Variants in PPP6R3 observed in about 807,000 individuals in gnomAD.
PPP6R3 encodes the protein serine/threonine-protein phosphatase 6 regulatory subunit 3.
A neutral mutation model predicts 110.7 loss-of-function variants in PPP6R3; 38 were observed. The observed-to-expected ratio is 0.34, with a 90% CI of 0.26 to 0.45. The LOEUF is 0.45. Among genes scored for constraint, PPP6R3 ranks in the 20% least tolerant of loss-of-function variants. PPP6R3 has a pLI of 1.00. For synonymous variants in PPP6R3, 369 were observed against 373.5 expected (o/e 0.99, Z 0.14); for missense variants, 870 against 1,062.4 (o/e 0.82, Z 2.52).
At chr11:68,605,255 C>T (rs1938939203) in intron 22 of PPP6R3, among the ~76,000 whole-genome samples, 1 of 152,082 alleles carries the variant, frequency 6.6e-6, no homozygotes, top group Non-Finnish European at 1.5e-5. Flanking sequence ...GTCGAGGCTG[C>T]AGTGAGCTGT....
intron 1 of PPP6R3, among the ~76,000 whole-genome samples, chr11:68,475,901 G>C (rs10896328): frequency 4.0e-5 from 6 of 150,738 alleles, no homozygotes; most frequent in African/African-American, 1.2e-4. Flanking sequence ...CATCTCAGAC[G>C]ATGGGCGGCC....
rs1592647287 is a variant in PPP6R3, at chr11:68,531,334, T to C, written c.-6-6325T>C. On this transcript the variant is annotated intron_variant, in intron 2 of 23. Transcript: ENST00000393800. ...TTATTTATTTATTTATTTATTTATT[T>C]ATTTATTTATTTATTTAAATTTTAG... 2.0e-5 allele frequency among the ~76,000 whole-genome samples: 3 copies of C among 150,672 alleles called. No homozygotes were observed. The South Asian group carries it at 6.3e-4, about 32-fold the overall frequency.
chr11:68,610,291 C>T (rs1465694799), intron 23 of PPP6R3, among the ~76,000 whole-genome samples: 1 of 152,166 alleles, frequency 6.6e-6, no homozygotes, highest in Non-Finnish European at 1.5e-5. Flanking sequence ...AGAAGTGGCT[C>T]CGAACAGAGG....
At chr11:68,512,898 TGATAATACCTCACTCACTAATGC>T (rs1183378288) in intron 1 of PPP6R3, among the ~76,000 whole-genome samples, 1 of 152,186 alleles carries the variant, frequency 6.6e-6, no homozygotes, top group Admixed American at 6.5e-5. Context: ...ATTTTGTAAT[TGATAATACCTCACTCACTAATGC>T]GTGAGTCTGA....
intron 18 of PPP6R3, among the ~76,000 whole-genome samples, chr11:68,594,394 T>G (rs2099606940): frequency 6.6e-6 from 1 of 151,394 alleles, no homozygotes. Flanking sequence ...TGGTGGCTCA[T>G]GCCTACAATC....
In PPP6R3 at chr11:68,570,903, C is replaced by G. The variant is rs562416207; in HGVS notation, c.1279-137C>G. The G allele has an allele frequency of 6.6e-6, 7 of 1,057,262 alleles. No homozygotes were observed. The South Asian group carries it at 1.1e-4, about 17-fold the overall frequency. 65.5% of individuals were successfully genotyped at this position (1,057,262 alleles called of 1,614,324 possible). ...TGGGTGTCTGCAGTAGATTGATGAT[C>G]ACATTGCATTTGGCTTAGTAACATT... On this transcript the variant is annotated intron_variant, in intron 11 of 23. Transcript: ENST00000393800.
chr11:68,514,741 C>T (rs962667467), intron 1 of PPP6R3, among the ~76,000 whole-genome samples: 24 of 152,014 alleles, frequency 1.6e-4, no homozygotes, highest in Admixed American at 9.2e-4. Context: ...TGCACCGCCA[C>T]GCCCAGCTAA....
At position 68,552,549 on chromosome 11, in the gene PPP6R3, G is replaced by A. The variant is rs180845580; in HGVS notation, c.618+1363G>A. 8.1e-3 allele frequency among the ~76,000 whole-genome samples: 1,230 copies of A among 152,306 alleles called. 16 individuals are homozygous for A. Among genetic ancestry groups the A allele is most frequent in the African/African-American group, 0.028 (1,167 of 41,566 alleles). On this transcript the variant is annotated intron_variant, in intron 6 of 23. Transcript: ENST00000393800. ...CACATCCAGTGCAGACATGGATTGG[G>A]AATGTGGGAGCCCCTGCTTAGAAGG... is the stretch of plus-strand genomic sequence containing the variant.
At chr11:68,579,595 T>A (rs752975295) in intron 14 of PPP6R3, among the ~76,000 whole-genome samples, 4 of 152,222 alleles carry the variant, frequency 2.6e-5, no homozygotes, top group Non-Finnish European at 5.9e-5. Context: ...TAGACAAGAT[T>A]GGCAAAAATT....
intron 1 of PPP6R3, among the ~76,000 whole-genome samples, chr11:68,517,864 G>A (rs556588543): frequency 6.6e-6 from 1 of 152,236 alleles, no homozygotes; most frequent in African/African-American, 2.4e-5. Context: ...CTTGAGCCCA[G>A]GAGGTGGAGG....
At chr11:68,544,243 A>G (rs530039233) in intron 3 of PPP6R3, among the ~76,000 whole-genome samples, 222 of 152,156 alleles carry the variant, frequency 1.5e-3, no homozygotes, top group African/African-American at 5.2e-3. Context: ...TTTTTTTTGT[A>G]TACTGCTTCC....
rs893590809 is a variant in PPP6R3 at position 68,572,099 on chromosome 11, T to C, written c.1343+995T>C. 3.3e-5 allele frequency among the ~76,000 whole-genome samples: 5 copies of C among 152,274 alleles called. No homozygotes were observed. The South Asian group carries it at 1.0e-3, about 32-fold the overall frequency. On this transcript the variant is annotated intron_variant, in intron 12 of 23. Transcript: ENST00000393800. ...GGGAAATTGGCATTTTGTTTGTTTG[T>C]TTGTGGCAAGGGGCTAGTATTGGTA...
chr11:68,576,588 T>C (rs2099532508), intron 14 of PPP6R3, among the ~76,000 whole-genome samples: 1 of 151,862 alleles, frequency 6.6e-6, no homozygotes, highest in Non-Finnish European at 1.5e-5. Flanking sequence ...TTAAAAATTA[T>C]ATTGGACTTT....
chr11:68,571,346 C>A, intron 12 of PPP6R3: 1 of 449,610 alleles, frequency 2.2e-6, no homozygotes, highest in Non-Finnish European at 3.8e-6. Context: ...CACCTCTGTG[C>A]TGCCTTTGAA....
rs1243895050 is a variant in PPP6R3 at position 68,493,610 on chromosome 11, C to A, written c.-157-25891C>A. On this transcript the variant is annotated intron_variant, in intron 1 of 23. Coordinates refer to ENST00000393800, the MANE Select transcript of PPP6R3 (RefSeq NM_001164161.2). The stretch of plus-strand genomic sequence containing the variant: ...TCATGCTTGGGGTAAAAAAAAAAAA[C>A]AAAACCATATATATATATATATATA... 3.0e-3 allele frequency among the ~76,000 whole-genome samples: 313 copies of A among 103,982 alleles called. 3 individuals carry two copies. The highest frequency in any genetic ancestry group is 9.3e-3 in the African/African-American group (280 of 29,998). 68.2% of individuals were successfully genotyped at this position (103,982 alleles called of 152,430 possible).
chr11:68,475,922 G>A (rs2098828033), intron 1 of PPP6R3, among the ~76,000 whole-genome samples: 2 of 150,926 alleles, frequency 1.3e-5, no homozygotes, highest in Admixed American at 6.6e-5. Context: ...GGGCAGAGAC[G>A]CTCCTCACTT....
chr11:68,474,959 G>A (rs1479079901), intron 1 of PPP6R3, among the ~76,000 whole-genome samples: 5 of 150,064 alleles, frequency 3.3e-5, no homozygotes, highest in East Asian at 2.0e-4. Flanking sequence ...GGTGTTTCTC[G>A]CAGAGGGGGA....
At chr11:68,494,632 G>A (rs1471439986) in intron 1 of PPP6R3, among the ~76,000 whole-genome samples, 1 of 152,006 alleles carries the variant, frequency 6.6e-6, no homozygotes, top group African/African-American at 2.4e-5. Context: ...TTGCATTTTG[G>A]TTTCTTCTTG....
chr11:68,579,987 G>A (rs960743943), intron 14 of PPP6R3, among the ~76,000 whole-genome samples: 3 of 152,244 alleles, frequency 2.0e-5, no homozygotes, highest in Admixed American at 6.5e-5. Flanking sequence ...ATGACTGCGC[G>A]TGTTTCAGAT....
Sources: gnomAD v4.1 joint callset for allele counts (sites outside exome capture counted in the v4.1 genomes callset) on GRCh38, gnomAD v4.1.1 for gene constraint, MANE v1.5 for transcripts, NCBI Gene and HGNC (gene_info 2026-07-23, HGNC 2026-07-21) for gene names.